AKR1C4: variants seen among roughly 807,000 people sequenced by gnomAD.
AKR1C4 encodes the protein aldo-keto reductase family 1 member C4.
In AKR1C4, 44 loss-of-function variants were observed where a neutral mutation model predicts 41.0. The observed-to-expected ratio is 1.07, with a 90% CI of 0.84 to 1.38. The LOEUF (loss-of-function observed/expected upper bound fraction) is 1.38, where lower values mean the gene tolerates loss of function less well. Ranked by LOEUF, AKR1C4 falls within the 40% of genes most tolerant of loss-of-function variation. AKR1C4 has a pLI of 0.00. For synonymous variants in AKR1C4, 165 were observed against 137.7 expected, an observed-to-expected ratio of 1.20 and a Z score of -1.39; for missense variants, 438 against 387.9, an observed-to-expected ratio of 1.13 and a Z score of -1.09.
At chr10:5,200,877 G>GA (rs782564588) in intron 2 of AKR1C4, among the ~76,000 whole-genome samples, 3 of 151,990 alleles carry the variant, frequency 2.0e-5, no homozygotes, top group Non-Finnish European at 2.9e-5. Flanking sequence ...TTCCATTCCT[G>GA]AATTACTTTA....
At chr10:5,202,541 G>A (rs11253040) in intron 2 of AKR1C4, 169 of 442,158 alleles carry the variant, frequency 3.8e-4, no homozygotes, top group Middle Eastern at 3.0e-3. Flanking sequence ...CCAGTACTAT[G>A]TTTAATAGAA....
chr10:5,198,805 G>C (rs1026012143), intron 1 of AKR1C4, among the ~76,000 whole-genome samples: 1 of 152,164 alleles, frequency 6.6e-6, no homozygotes, highest in Non-Finnish European at 1.5e-5. Flanking sequence ...TCCGGAGTTT[G>C]AGCCTGGGTA....
At chr10:5,199,483 T>A (rs1270896640) in intron 1 of AKR1C4, among the ~76,000 whole-genome samples, 1 of 152,160 alleles carries the variant, frequency 6.6e-6, no homozygotes, top group African/African-American at 2.4e-5. Context: ...GCCCCCATCC[T>A]GTGCCTATAA....
chr10:5,198,546 C>T (rs1832348424), intron 1 of AKR1C4, among the ~76,000 whole-genome samples: 1 of 152,164 alleles, frequency 6.6e-6, no homozygotes, highest in Non-Finnish European at 1.5e-5. Flanking sequence ...CTCCAAATAG[C>T]ATCCCTTGTA....
intron 8 of AKR1C4, among the ~76,000 whole-genome samples, chr10:5,217,073 T>C (rs1554798591): frequency 6.6e-6 from 1 of 152,286 alleles, no homozygotes; most frequent in Non-Finnish European, 1.5e-5. Context: ...GCAACTTTCA[T>C]GTAGGCCTGG....
rs35950499 is a variant in AKR1C4, at chr10:5,205,653, C to G, written c.370-104C>G. The G allele has an allele frequency of 4.2e-5, 40 of 943,680 alleles. No individual in the cohort carries two copies. The African/African-American group carries it at 5.1e-4, about 12-fold the overall frequency. 58.5% of individuals were successfully genotyped at this position (943,680 alleles called of 1,614,324 possible). Reference sequence around the variant, plus strand: ...GCCCACATCACTTTCTAGAACATTTCAGCACCTACCTCACGGTGGATTATT... The same window carrying G: ...GCCCACATCACTTTCTAGAACATTTGAGCACCTACCTCACGGTGGATTATT... On this transcript the variant is annotated intron_variant, in intron 3 of 8. Coordinates refer to ENST00000263126, the MANE Select transcript of AKR1C4 (RefSeq NM_001818.5).
chr10:5,208,205 A>G (rs1201597571), intron 5 of AKR1C4, among the ~76,000 whole-genome samples: 1 of 151,634 alleles, frequency 6.6e-6, no homozygotes, highest in Non-Finnish European at 1.5e-5. Flanking sequence ...GCTTTCTGTC[A>G]TCAAATCAAC....
chr10:5,203,965 A>G (rs1233408426), intron 2 of AKR1C4, among the ~76,000 whole-genome samples: 1 of 152,246 alleles, frequency 6.6e-6, no homozygotes, highest in Non-Finnish European at 1.5e-5. Context: ...GAAACAACAG[A>G]TAACAGAAGT....
intron 1 of AKR1C4, 127 bp downstream of exon 1, chr10:5,197,078 C>A: frequency 1.2e-6 from 1 of 859,594 alleles, no homozygotes; most frequent in Non-Finnish European, 1.9e-6. Context: ...TCTTACTGGG[C>A]TAGAGCTATT....
Position 5,209,574 on chromosome 10 carries a change from A to G in AKR1C4, c.571-3042A>G, listed in dbSNP as rs112254055. Among the ~76,000 whole-genome samples the G allele has an allele frequency of 3.5e-3, 532 of 152,266 alleles. 7 individuals carry two copies. Among genetic ancestry groups the G allele is most frequent in the Non-Finnish European group, 5.5e-3 (372 of 68,008 alleles). On this transcript the variant is annotated intron_variant, in intron 5 of 8. Coordinates refer to ENST00000263126, the MANE Select transcript of AKR1C4 (RefSeq NM_001818.5). ...TGATAAAGACACATCCAAGACTGGGACTTATAGTTCCAATATGGCTGAGGA... is the reference window on the plus strand; with the variant it reads ...TGATAAAGACACATCCAAGACTGGGGCTTATAGTTCCAATATGGCTGAGGA...
chr10:5,218,648 TTCAC>T (rs55829830), intron 8 of AKR1C4, 66 bp from the exon 9 acceptor site: 190,218 of 1,303,060 alleles, frequency 0.15, 15,181 homozygotes, highest in East Asian at 0.27. Context: ...TTCATATAAA[TTCAC>T]TTTGCTACCA....
At chr10:5,207,713 TGAAGA>T in intron 5 of AKR1C4, 1 of 587,968 alleles carries the variant, frequency 1.7e-6, no homozygotes, top group Non-Finnish European at 3.0e-6. Context: ...GATGTGATAA[TGAAGA>T]GAAAAATATT....
At position 5,205,385 on chromosome 10, in the gene AKR1C4, A is replaced by G. The variant is rs186688149; in HGVS notation, c.370-372A>G. ...TATCAAGTCTTCAGGGGGATAAGGAACTCTTATTGTATCACCTGGATCAAG... is the reference window on the plus strand; with the variant it reads ...TATCAAGTCTTCAGGGGGATAAGGAGCTCTTATTGTATCACCTGGATCAAG... On this transcript the variant is annotated intron_variant, in intron 3 of 8. Coordinates refer to ENST00000263126, the MANE Select transcript of AKR1C4 (RefSeq NM_001818.5). 1.5e-3 allele frequency among the ~76,000 whole-genome samples: 234 copies of G among 152,264 alleles called. 1 individual carries two copies. The highest frequency in any genetic ancestry group is 5.3e-3 in the African/African-American group (221 of 41,562).
chr10:5,209,202 C>T (rs1554797730), intron 5 of AKR1C4, among the ~76,000 whole-genome samples: 1 of 151,996 alleles, frequency 6.6e-6, no homozygotes, highest in Admixed American at 6.6e-5. Context: ...ATGTGTTCTC[C>T]CCTTTGTAAT....
intron 7 of AKR1C4, among the ~76,000 whole-genome samples, chr10:5,215,460 G>T (rs1038079542): frequency 6.6e-6 from 1 of 152,162 alleles, no homozygotes; most frequent in Non-Finnish European, 1.5e-5. Context: ...TGTACAAAAA[G>T]CATAGCACCA....
intron 2 of AKR1C4, 81 bp downstream of exon 2, chr10:5,200,429 AG>A: frequency 6.6e-7 from 1 of 1,512,336 alleles, no homozygotes; most frequent in Non-Finnish European, 8.9e-7. Flanking sequence ...CTGGTTCAGT[AG>A]TTGTGGGTGA....
rs1408009172 is a variant in AKR1C4 at position 5,204,553 on chromosome 10, G to A, written c.369+60G>A. The A allele has an allele frequency of 2.3e-6, 3 of 1,293,090 alleles. No individual in the cohort carries two copies. In the African/African-American group the frequency reaches 4.4e-5, roughly 19 times the overall value. 80.1% of individuals were successfully genotyped at this position (1,293,090 alleles called of 1,614,324 possible). ...CTCAGCATGACCATCCTTTATGATGGTTGAATTGAACTTCTTCTAAGGAGG... is the reference window on the plus strand; with the variant it reads ...CTCAGCATGACCATCCTTTATGATGATTGAATTGAACTTCTTCTAAGGAGG... On this transcript the variant is annotated intron_variant, in intron 3 of 8. Coordinates refer to ENST00000263126, the MANE Select transcript of AKR1C4 (RefSeq NM_001818.5).
chr10:5,216,775 G>A lies in AKR1C4; in HGVS notation c.911G>A (p.Arg304Gln), dbSNP rs142529153. The change falls in exon 8 of 9, where the codon CGA (arginine) becomes CAA (glutamine). Residue 304 changes from arginine to glutamine, a missense_variant. Coordinates refer to ENST00000263126, the MANE Select transcript of AKR1C4 (RefSeq NM_001818.5). ...CTAGATGGTCTAAACAGAAATTATC[G>A]ATATGTTGTCATGGATTTGTAAGTA... ...KVLDGLNRNY[R>Q]YVVMDFLMDH... The A allele has an allele frequency of 3.6e-5, 58 of 1,609,944 alleles. No homozygotes were observed. The highest frequency in any genetic ancestry group is 6.7e-5 in the East Asian group (3 of 44,820).
intron 5 of AKR1C4, among the ~76,000 whole-genome samples, chr10:5,209,999 A>G (rs1832546929): frequency 6.6e-6 from 1 of 152,200 alleles, no homozygotes; most frequent in African/African-American, 2.4e-5. Flanking sequence ...ATCTGAGACA[A>G]GGCAAGTCCC....
Sources: allele counts gnomAD v4.1 joint callset (sites outside exome capture counted in the v4.1 genomes callset), GRCh38; gene constraint gnomAD v4.1.1; transcripts MANE v1.5; gene names NCBI Gene and HGNC (gene_info 2026-07-23, HGNC 2026-07-21).